Variants in RBFOX1 observed in about 807,000 individuals in gnomAD.
RBFOX1 encodes RNA binding protein fox-1 homolog 1.
In RBFOX1, 8 loss-of-function variants were observed where a neutral mutation model predicts 57.7. The observed-to-expected ratio is 0.14, with a 90% CI of 0.08 to 0.25. RBFOX1 has a LOEUF of 0.25. RBFOX1 is among the 10% of genes least tolerant of loss of function. RBFOX1 has a pLI of 1.00. For synonymous variants in RBFOX1, 326 were observed against 222.4 expected, an observed-to-expected ratio of 1.47 and a Z score of -4.15; for missense variants, 611 against 548.5, an observed-to-expected ratio of 1.11 and a Z score of -1.14.
intron 13 of RBFOX1, among the ~76,000 whole-genome samples, chr16:7,666,102 A>G (rs2069173474): frequency 6.6e-6 from 1 of 152,066 alleles, no homozygotes; most frequent in South Asian, 2.1e-4. Flanking sequence ...TTTCTGTCTC[A>G]TGTCCTCTTT....
In RBFOX1 at chr16:5,966,995, G is replaced by GC. The variant is rs572290371; in HGVS notation, c.351+99660_351+99661insC. 2.9e-5 allele frequency among the ~76,000 whole-genome samples: 4 copies of GC among 139,164 alleles called. 1 individual carries two copies. The highest frequency in any genetic ancestry group is 6.3e-5 in the Non-Finnish European group (4 of 63,752). The allele number at this position is 139,164 out of a possible 152,430, so 91.3% of individuals were successfully genotyped here. A position where few individuals can be genotyped will look rare whatever the true frequency, so the allele number is the denominator to read the frequency against. On this transcript the variant is annotated intron_variant, in intron 4 of 19. Coordinates refer to the RBFOX1 transcript ENST00000641259. ...ATTGTCTTTCTTGCACTAAATCGGG[G>GC]GGGGGGGGGTCAATAAATGATAGCT... is the stretch of plus-strand genomic sequence containing the variant.
At chr16:5,856,293 AC>A (rs2057053808) in intron 3 of RBFOX1, among the ~76,000 whole-genome samples, 1 of 28,762 alleles carries the variant, frequency 3.5e-5, no homozygotes, top group South Asian at 1.3e-3. Flanking sequence ...ATACACACAC[AC>A]ACACACACAC....
At chr16:6,799,596 A>C (rs931205226) in intron 3 of RBFOX1, among the ~76,000 whole-genome samples, 1 of 152,064 alleles carries the variant, frequency 6.6e-6, no homozygotes, top group Non-Finnish European at 1.5e-5. Context: ...CCTGGGAGAG[A>C]AAGACCCACC....
intron 14 of RBFOX1, among the ~76,000 whole-genome samples, chr16:7,704,188 C>G (rs1184660176): frequency 6.6e-6 from 1 of 152,160 alleles, no homozygotes; most frequent in African/African-American, 2.4e-5. Context: ...TCCTGAATCT[C>G]CAAGCCCTCG....
chr16:6,785,220 G>T (rs1045798234), intron 3 of RBFOX1, among the ~76,000 whole-genome samples: 39 of 151,884 alleles, frequency 2.6e-4, no homozygotes, highest in African/African-American at 9.4e-4. Flanking sequence ...AGAATTTGAG[G>T]GAATCTCCCA....
chr16:5,824,645 C>A (rs930249249), intron 3 of RBFOX1, among the ~76,000 whole-genome samples: 2 of 152,308 alleles, frequency 1.3e-5, no homozygotes, highest in East Asian at 3.9e-4. Flanking sequence ...AAATTGATTC[C>A]TATGAAAACA....
intron 4 of RBFOX1, among the ~76,000 whole-genome samples, chr16:7,148,661 A>G (rs996159766): frequency 6.6e-6 from 1 of 152,168 alleles, no homozygotes; most frequent in Admixed American, 6.5e-5. Flanking sequence ...TTAAATGGTC[A>G]TTGAATAGAT....
intron 1 of RBFOX1, among the ~76,000 whole-genome samples, chr16:6,286,145 T>G (rs9935068): frequency 0.79 from 120,184 of 152,100 alleles, 47,710 homozygotes; most frequent in East Asian, 0.99. Flanking sequence ...AATAATTCAA[T>G]AAATTATTGG....
At chr16:6,886,340 G>A (rs2064024732) in intron 3 of RBFOX1, among the ~76,000 whole-genome samples, 2 of 152,006 alleles carry the variant, frequency 1.3e-5, no homozygotes, top group South Asian at 4.2e-4. Flanking sequence ...GGGATTACTG[G>A]CGTGAGTCAC....
At chr16:5,272,206 G>A (rs562369433) in intron 1 of RBFOX1, among the ~76,000 whole-genome samples, 1 of 152,282 alleles carries the variant, frequency 6.6e-6, no homozygotes, top group East Asian at 1.9e-4. Context: ...AAATAACTAA[G>A]AGGGTACATT....
At chr16:6,290,983 T>C (rs1185983761) in intron 1 of RBFOX1, among the ~76,000 whole-genome samples, 1 of 152,132 alleles carries the variant, frequency 6.6e-6, no homozygotes, top group Non-Finnish European at 1.5e-5. Flanking sequence ...TTTGTGGTTA[T>C]TTCTTGATGA....
intron 4 of RBFOX1, among the ~76,000 whole-genome samples, chr16:5,911,184 C>T (rs954684804): frequency 2.0e-5 from 3 of 152,178 alleles, no homozygotes; most frequent in African/African-American, 4.8e-5. Flanking sequence ...ACAAATCTTG[C>T]AGCCCATTTG....
intron 3 of RBFOX1, among the ~76,000 whole-genome samples, chr16:6,752,855 G>A (rs1038215337): frequency 1.3e-5 from 2 of 150,512 alleles, no homozygotes; most frequent in African/African-American, 4.9e-5. Flanking sequence ...TTCTCTGTCA[G>A]CCTCTCTGCT....
At chr16:6,696,120 T>C in intron 3 of RBFOX1, among the ~76,000 whole-genome samples, 1 of 152,214 alleles carries the variant, frequency 6.6e-6, no homozygotes, top group Non-Finnish European at 1.5e-5. Context: ...GGGAGCTCAT[T>C]ACTAAATGGA....
chr16:5,248,417 G>T (rs2062357939), intron 1 of RBFOX1, among the ~76,000 whole-genome samples: 1 of 152,226 alleles, frequency 6.6e-6, no homozygotes, highest in African/African-American at 2.4e-5. Flanking sequence ...GATCCCCAGG[G>T]CCTCTGAGAG....
intron 4 of RBFOX1, among the ~76,000 whole-genome samples, chr16:7,100,058 G>C (rs1011743956): frequency 1.3e-5 from 2 of 151,662 alleles, no homozygotes; most frequent in African/African-American, 4.8e-5. Context: ...TCACATGATG[G>C]GGGGTGAGGG....
At chr16:7,147,596 C>T (rs1307481622) in intron 4 of RBFOX1, among the ~76,000 whole-genome samples, 4 of 152,126 alleles carry the variant, frequency 2.6e-5, no homozygotes, top group Non-Finnish European at 4.4e-5. Context: ...TGCATTAATT[C>T]ACTTAGATTA....
In RBFOX1 at chr16:6,950,011, T is replaced by C. The variant is rs368681344; in HGVS notation, c.-15-102046T>C. Among the ~76,000 whole-genome samples, 37 of 151,720 alleles carry C rather than the reference T, an allele frequency of 2.4e-4. No individual in the cohort carries two copies. The East Asian group carries it at 5.8e-3, about 24-fold the overall frequency. Reference sequence around the variant, plus strand: ...GCCCAGGCTGGAGTGCAGTGGTGTGTTCTCGGCTCGCTGCAACGTCTGCCT... The same window carrying C: ...GCCCAGGCTGGAGTGCAGTGGTGTGCTCTCGGCTCGCTGCAACGTCTGCCT... On this transcript the variant is annotated intron_variant, in intron 3 of 15. Transcript: ENST00000550418.
rs761443926 is a variant in RBFOX1 at position 6,189,102 on chromosome 16, A to G, written c.-126-127893A>G. Among the ~76,000 whole-genome samples, 4 of 152,214 alleles carry G rather than the reference A, an allele frequency of 2.6e-5. No individual in the cohort carries two copies. The South Asian group carries it at 6.2e-4, about 24-fold the overall frequency. ...ATGACCTCTGAAAATTACCTGTGCCATTCTAAACCACCAAATGGTTCCATT... is the reference window on the plus strand; with the variant it reads ...ATGACCTCTGAAAATTACCTGTGCCGTTCTAAACCACCAAATGGTTCCATT... On this transcript the variant is annotated intron_variant, in intron 1 of 15. Transcript: ENST00000550418.
Sources: gnomAD v4.1 joint callset for allele counts (sites outside exome capture counted in the v4.1 genomes callset) on GRCh38, gnomAD v4.1.1 for gene constraint, MANE v1.5 for transcripts, NCBI Gene and HGNC (gene_info 2026-07-23, HGNC 2026-07-21) for gene names.